The following ADGRV1 variants were observed in gnomAD, a reference collection of about 807,000 sequenced individuals.
ADGRV1 encodes the protein G-protein coupled receptor 98.
In ADGRV1, 359 loss-of-function variants were observed where a neutral mutation model predicts 596.2. That is an observed-to-expected ratio of 0.60 (90% CI 0.55 to 0.66). The LOEUF (loss-of-function observed/expected upper bound fraction) is 0.66. Among genes scored for constraint, ADGRV1 ranks in the 30% least tolerant of loss-of-function variants. The probability of loss-of-function intolerance (pLI) is 0.00; values close to 1 mark genes in which losing one functional copy is unlikely to be tolerated. For synonymous variants in ADGRV1, 2,681 were observed against 2,679.2 expected (o/e 1.00, Z -0.02); for missense variants, 7,274 against 7,575.6 (o/e 0.96, Z 1.48).
intron 83 of ADGRV1, among the ~76,000 whole-genome samples, chr5:90,949,041 A>G (rs1172646767): frequency 6.6e-6 from 1 of 152,142 alleles, no homozygotes; most frequent in Non-Finnish European, 1.5e-5. Flanking sequence ...ATGGAATACT[A>G]TACGACAATA....
chr5:90,748,813 G>GGT (rs1554103023), intron 52 of ADGRV1, among the ~76,000 whole-genome samples: 1 of 142,314 alleles, frequency 7.0e-6, no homozygotes, highest in South Asian at 2.2e-4. Context: ...CTATCATCAA[G>GGT]TTTTTTTTTG....
intron 83 of ADGRV1, among the ~76,000 whole-genome samples, chr5:90,887,271 C>T (rs554195543): frequency 5.3e-5 from 8 of 152,058 alleles, no homozygotes; most frequent in Non-Finnish European, 1.0e-4. Flanking sequence ...TTTCACTGAT[C>T]CTTGGCTGTT....
intron 83 of ADGRV1, among the ~76,000 whole-genome samples, chr5:90,872,381 A>G (rs1040955806): frequency 6.6e-6 from 1 of 151,820 alleles, no homozygotes; most frequent in African/African-American, 2.4e-5. Context: ...GGATATATAT[A>G]ATATGCTTGC....
rs1756215488 is a variant in ADGRV1, at chr5:90,759,433, A to G, written c.11965A>G (p.Ile3989Val). The G allele has an allele frequency of 3.8e-6, 6 of 1,569,646 alleles. No individual in the cohort carries two copies. Among genetic ancestry groups the G allele is most frequent in the Non-Finnish European group, 3.5e-6 (4 of 1,155,478 alleles). The part of the protein sequence containing the change: ...KQVTAMIEIT[I>V]IDDAEFELTE... ...GGTTACTGCAATGATAGAAATCACC[A>G]TAATTGATGATGCTGAATTTGAATT... The change falls in exon 58 of 90, where the codon ATA (isoleucine) becomes GTA (valine). Residue 3989 changes from isoleucine (I) to valine (V), a missense_variant. Ile to Val is a conservative substitution (Grantham distance 29). Around this residue, in one of 5 missense-constraint regions of ADGRV1, gnomAD observed 3,643 missense variants for 3,809.2 expected, o/e 0.96. Transcript: ENST00000405460.
chr5:90,815,657 G>T lies in ADGRV1; in HGVS notation c.16117G>T (p.Glu5373Ter). The T allele has an allele frequency of 6.3e-7, 1 of 1,577,966 alleles. No individual in the cohort carries two copies. The highest frequency in any genetic ancestry group is 8.6e-7 in the Non-Finnish European group (1 of 1,160,368). ...LHNGIIGFSEESQSGLELREG... is the reference protein window; with the variant it reads ...LHNGIIGFSE Reference sequence around the variant, plus strand: ...CAATGGCATCATAGGATTCAGTGAGGAGTCCCAGAGTGGACTAGAACTCAG... The same window carrying T: ...CAATGGCATCATAGGATTCAGTGAGTAGTCCCAGAGTGGACTAGAACTCAG... The change falls in exon 75 of 90, where the codon GAG becomes TAG. Residue 5373 changes from glutamate to a stop codon, truncating the protein, a stop_gained. Transcript: ENST00000405460. LOFTEE classifies it high-confidence loss of function.
intron 50 of ADGRV1, among the ~76,000 whole-genome samples, chr5:90,738,057 G>C (rs934143636): frequency 2.0e-5 from 3 of 151,798 alleles, no homozygotes; most frequent in African/African-American, 7.3e-5. Flanking sequence ...ATGGTGGTCT[G>C]CTTTTAATCC....
chr5:91,037,265 T>C (rs1784988730), intron 85 of ADGRV1, among the ~76,000 whole-genome samples: 1 of 152,208 alleles, frequency 6.6e-6, no homozygotes, highest in African/African-American at 2.4e-5. Context: ...GGACACGTCT[T>C]TTTTGTACTA....
chr5:90,614,971 TATC>T lies in ADGRV1; in HGVS notation c.162_164del (p.Ile55del). 6.4e-7 allele frequency: 1 copy of T among 1,559,174 alleles called. No individual in the cohort carries two copies. The highest frequency in any genetic ancestry group is 8.7e-7 in the Non-Finnish European group (1 of 1,148,860). On this transcript the variant is annotated inframe_deletion, in exon 2 of 90. Transcript: ENST00000405460. ...AAACAAGTACAACAGTTATTCGTCT[TATC>T]ATTGAAAGGATAGGAGAGCCAGCAA...
chr5:90,674,818 TTTTG>T (rs1019737142), intron 23 of ADGRV1, among the ~76,000 whole-genome samples: 46 of 152,248 alleles, frequency 3.0e-4, no homozygotes, highest in African/African-American at 1.1e-3. Flanking sequence ...CATAGTTAGG[TTTTG>T]TTTGTTTGTT....
rs547101794 is a variant in ADGRV1, at chr5:90,874,991, G to A, written c.17856+11134G>A. ...TATCACCATTTTCTCATGAAAATAA[G>A]CACTTCCTATATTCTCAATTCCTTA... On this transcript the variant is annotated intron_variant, in intron 83 of 89. Transcript: ENST00000405460. 4.6e-5 allele frequency among the ~76,000 whole-genome samples: 7 copies of A among 152,294 alleles called. No homozygotes were observed. In the South Asian group the frequency reaches 1.2e-3, roughly 27 times the overall value.
At position 90,823,509 on chromosome 5, in the gene ADGRV1, G is replaced by T; in HGVS notation, c.16281G>T (p.Val5427=). 2 of 1,613,920 alleles carry T rather than the reference G, an allele frequency of 1.2e-6. No homozygotes were observed. Among genetic ancestry groups the T allele is most frequent in the Non-Finnish European group, 1.7e-6 (2 of 1,179,822 alleles). The change falls in exon 76 of 90, where the codon GTG becomes GTT. Residue 5427 remains valine, a synonymous_variant. Transcript: ENST00000405460. ...TCCAGAAGGATGGGGTAAACCTGGTGGAGGAACTTCAGTCTGTGTCAGGGA... is the reference window on the plus strand; with the variant it reads ...TCCAGAAGGATGGGGTAAACCTGGTTGAGGAACTTCAGTCTGTGTCAGGGA... ...VVLQKDGVNL[V]EELQSVSGTT...
chr5:90,780,234 T>A (rs911677469), intron 64 of ADGRV1: 10 of 152,162 alleles, frequency 6.6e-5, no homozygotes, highest in Non-Finnish European at 1.5e-4. Flanking sequence ...GGAAACAAGT[T>A]TTTCCTTCCA....
At chr5:91,051,658 T>G (rs1185178214) in intron 85 of ADGRV1, among the ~76,000 whole-genome samples, 1 of 149,906 alleles carries the variant, frequency 6.7e-6, no homozygotes, top group Non-Finnish European at 1.5e-5. Flanking sequence ...GCCATTCTCC[T>G]GCCTCAGCCT....
chr5:90,979,359 G>A (rs1581697572), intron 84 of ADGRV1, among the ~76,000 whole-genome samples: 1 of 151,898 alleles, frequency 6.6e-6, no homozygotes, highest in East Asian at 1.9e-4. Context: ...TTGTAAAGAC[G>A]GGGTTTCCCT....
At chr5:90,628,180 G>A (rs1050393196) in intron 7 of ADGRV1, among the ~76,000 whole-genome samples, 1 of 147,928 alleles carries the variant, frequency 6.8e-6, no homozygotes, top group African/African-American at 2.6e-5. Flanking sequence ...GAGTCTAGGT[G>A]TTCAAGACCA....
chr5:90,824,550 T>C (rs1326393414), intron 76 of ADGRV1, among the ~76,000 whole-genome samples: 1 of 152,228 alleles, frequency 6.6e-6, no homozygotes, highest in Non-Finnish European at 1.5e-5. Flanking sequence ...TCATTGTTTT[T>C]TGCTTTTCTT....
At chr5:90,904,613 T>C (rs1772150657) in intron 83 of ADGRV1, among the ~76,000 whole-genome samples, 1 of 151,876 alleles carries the variant, frequency 6.6e-6, no homozygotes, top group Non-Finnish European at 1.5e-5. Flanking sequence ...TTCTAGAGAG[T>C]TGTGTGAGCT....
chr5:90,768,406 A>G (rs1276631019), intron 59 of ADGRV1, among the ~76,000 whole-genome samples: 1 of 152,184 alleles, frequency 6.6e-6, no homozygotes, highest in Non-Finnish European at 1.5e-5. Context: ...AGTTCTACTT[A>G]TGGCTAGTGG....
chr5:90,678,205 A>G (rs1273322017), intron 25 of ADGRV1, among the ~76,000 whole-genome samples: 1 of 152,142 alleles, frequency 6.6e-6, no homozygotes, highest in African/African-American at 2.4e-5. Flanking sequence ...GGGCAAAAGG[A>G]GAAGAGAGGG....
Sources: allele counts gnomAD v4.1 joint callset (sites outside exome capture counted in the v4.1 genomes callset), GRCh38; gene constraint gnomAD v4.1.1; regional missense constraint gnomAD v4.1.1; transcripts MANE v1.5; gene names NCBI Gene and HGNC (gene_info 2026-07-23, HGNC 2026-07-21).